The following ATP10A variants were observed in gnomAD, a reference collection of about 807,000 sequenced individuals.
ATP10A encodes the protein phospholipid-transporting ATPase VA.
ATP10A carries 111 observed loss-of-function variants against 147.8 expected under a neutral mutation model. The observed-to-expected ratio is 0.75, with a 90% CI of 0.64 to 0.88. The LOEUF (loss-of-function observed/expected upper bound fraction) is 0.88, where lower values mean the gene tolerates loss of function less well. Among genes scored for constraint, ATP10A ranks in the 40% least tolerant of loss-of-function variants. ATP10A has a pLI of 0.00. For missense variants in ATP10A, 1,927 were observed against 1,959.0 expected (o/e 0.98, Z 0.31); for synonymous variants, 875 against 841.6 (o/e 1.04, Z -0.69).
At chr15:25,681,134 A>C (rs1041561306) in intron 17 of ATP10A, 60 bp from the exon 18 acceptor site, 3 of 1,533,810 alleles carry the variant, frequency 2.0e-6, no homozygotes, top group Non-Finnish European at 2.7e-6. Context: ...CTGTGAAAGC[A>C]GTTAGAATAA....
intron 1 of ATP10A, 91 bp from the exon 2 acceptor site, chr15:25,781,314 T>C: frequency 1.8e-6 from 2 of 1,103,860 alleles, no homozygotes; most frequent in Non-Finnish European, 1.3e-6. Context: ...ATGGCAATTC[T>C]TTCTACATTT....
At chr15:25,797,778 G>C (rs72707924) in intron 1 of ATP10A, among the ~76,000 whole-genome samples, 197 of 152,214 alleles carry the variant, frequency 1.3e-3, no homozygotes, top group Non-Finnish European at 2.1e-3. Context: ...CTGCCGCCCT[G>C]GGGGGTGAGG....
At chr15:25,677,589 G>A (rs1426211577), downstream of ATP10A, 1 of 152,236 alleles carries the variant, frequency 6.6e-6, no homozygotes. Context: ...AATTCAGGGA[G>A]CAGTGTCACC....
chr15:25,863,401 A>C (rs1409754280), upstream of ATP10A, among the ~76,000 whole-genome samples: 1 of 151,890 alleles, frequency 6.6e-6, no homozygotes, highest in African/African-American at 2.4e-5. Context: ...CGCGGTGGCC[A>C]CGGCCCCGCC....
intron 2 of ATP10A, among the ~76,000 whole-genome samples, chr15:25,754,793 G>A (rs545210262): frequency 2.0e-5 from 3 of 152,146 alleles, no homozygotes; most frequent in South Asian, 4.2e-4. Flanking sequence ...AAGATAATCC[G>A]GAATTACAGC....
intron 1 of ATP10A, among the ~76,000 whole-genome samples, chr15:25,782,513 A>T (rs1365540579): frequency 6.6e-6 from 1 of 152,218 alleles, no homozygotes; most frequent in East Asian, 1.9e-4. Context: ...AAACACGTTA[A>T]GCCACGTTAA....
chr15:25,750,236 G>A (rs1376407537), intron 2 of ATP10A, among the ~76,000 whole-genome samples: 1 of 151,724 alleles, frequency 6.6e-6, no homozygotes, highest in Non-Finnish European at 1.5e-5. Flanking sequence ...ATAAGGATAA[G>A]AGCAGATATT....
At chr15:25,742,198 GTGACAAGC>G (rs1887616459) in intron 2 of ATP10A, among the ~76,000 whole-genome samples, 1 of 152,194 alleles carries the variant, frequency 6.6e-6, no homozygotes, top group South Asian at 2.1e-4. Context: ...CGTCTCCACG[GTGACAAGC>G]TGACAGGGAC....
chr15:25,724,133 GT>G, intron 5 of ATP10A, 112 bp from the exon 6 acceptor site: 3 of 1,176,814 alleles, frequency 2.5e-6, no homozygotes, highest in Non-Finnish European at 3.4e-6. Flanking sequence ...AGCACATTTG[GT>G]TTTCTTACTC....
intron 1 of ATP10A, among the ~76,000 whole-genome samples, chr15:25,850,063 A>G (rs1207564037): frequency 1.3e-5 from 2 of 152,232 alleles, no homozygotes; most frequent in Non-Finnish European, 2.9e-5. Context: ...TAATTAAATC[A>G]CGCAGGTCGA....
intron 1 of ATP10A, among the ~76,000 whole-genome samples, chr15:25,799,457 A>C (rs745320130): frequency 1.9e-4 from 29 of 152,230 alleles, no homozygotes; most frequent in Non-Finnish European, 3.5e-4. Flanking sequence ...AAGCACCCTA[A>C]ACTCAGAGAT....
chr15:25,698,984 G>GT (rs1567310107), intron 13 of ATP10A, among the ~76,000 whole-genome samples: 2 of 152,136 alleles, frequency 1.3e-5, no homozygotes, highest in Admixed American at 6.5e-5. Flanking sequence ...TGTTTACAGA[G>GT]TGGAAGATCA....
At chr15:25,812,568 T>C (rs1194827795) in intron 1 of ATP10A, among the ~76,000 whole-genome samples, 1 of 152,242 alleles carries the variant, frequency 6.6e-6, no homozygotes, top group Non-Finnish European at 1.5e-5. Flanking sequence ...AGCCCTTTAA[T>C]TTATCTACAA....
chr15:25,702,929 T>C (rs1029007754), intron 12 of ATP10A, among the ~76,000 whole-genome samples: 30 of 152,128 alleles, frequency 2.0e-4, no homozygotes, highest in Admixed American at 8.5e-4. Context: ...TGAGCGTTTG[T>C]GTCCCCCAGA....
chr15:25,840,723 A>G (rs1481714432), intron 1 of ATP10A, among the ~76,000 whole-genome samples: 1 of 152,138 alleles, frequency 6.6e-6, no homozygotes, highest in Non-Finnish European at 1.5e-5. Flanking sequence ...TAGTTTTGTG[A>G]AGGGACTATT....
chr15:25,676,361 C>G (rs374054012), downstream of ATP10A, among the ~76,000 whole-genome samples: 2 of 152,346 alleles, frequency 1.3e-5, no homozygotes, highest in East Asian at 3.9e-4. Context: ...CCTCCCTGGC[C>G]TTGCTTGGCT....
chr15:25,696,498 C>T (rs138166589), intron 13 of ATP10A, among the ~76,000 whole-genome samples: 1,644 of 152,330 alleles, frequency 0.011, 17 homozygotes, highest in African/African-American at 0.025. Flanking sequence ...TCCTTCATCC[C>T]GTTGCTCCCA....
intron 2 of ATP10A, among the ~76,000 whole-genome samples, chr15:25,769,166 C>G (rs1889198333): frequency 6.6e-6 from 1 of 152,072 alleles, no homozygotes; most frequent in African/African-American, 2.4e-5. Context: ...CCTTTTGATC[C>G]ACTGTTATCC....
intron 1 of ATP10A, among the ~76,000 whole-genome samples, chr15:25,810,068 G>C (rs1044961455): frequency 1.3e-5 from 2 of 152,066 alleles, no homozygotes; most frequent in East Asian, 3.9e-4. Context: ...TACACATTAG[G>C]CTCATCACCT....
Sources: gnomAD v4.1 joint callset for allele counts (sites outside exome capture counted in the v4.1 genomes callset) on GRCh38, gnomAD v4.1.1 for gene constraint, MANE v1.5 for transcripts, NCBI Gene and HGNC (gene_info 2026-07-23, HGNC 2026-07-21) for gene names.